The following IP6K3 variants were observed in gnomAD, a reference collection of about 807,000 sequenced individuals.
IP6K3 encodes inositol hexakisphosphate kinase 3.
IP6K3 carries 20 observed loss-of-function variants against 28.8 expected under a neutral mutation model. That is an observed-to-expected ratio of 0.70 (90% CI 0.49 to 1.01). The LOEUF is 1.01. Among genes scored for constraint, IP6K3 ranks in the 50% least tolerant of loss-of-function variants. The probability of loss-of-function intolerance (pLI) is 0.00; values close to 1 mark genes in which losing one functional copy is unlikely to be tolerated. For missense variants in IP6K3, 480 were observed against 537.1 expected, an observed-to-expected ratio of 0.89 and a Z score of 1.05; for synonymous variants, 213 against 221.3, an observed-to-expected ratio of 0.96 and a Z score of 0.33.
At position 33,744,588 on chromosome 6, in the gene IP6K3, C is replaced by T. The variant is rs1231508241; in HGVS notation, c.-180+2170G>A. The stretch of plus-strand genomic sequence containing the variant: ...CCCCACCAGAGGGCAGCAGCACACA[C>T]GTTGAGGCCCCAAATGCCTGAGAGG... On this transcript the variant is annotated intron_variant, in intron 1 of 5. Coordinates refer to ENST00000293756, the MANE Select transcript of IP6K3 (RefSeq NM_054111.5). The surrounding 1 kb of genome is among the most constrained non-coding windows in gnomAD (Gnocchi z 4.4). 6.6e-6 allele frequency among the ~76,000 whole-genome samples: 1 copy of T among 152,090 alleles called. No homozygotes were observed. The highest frequency in any genetic ancestry group is 1.5e-5 in the Non-Finnish European group (1 of 68,030).
rs746542544 is a variant in IP6K3, at chr6:33,725,486, C to T, written c.720G>A (p.Ala240=). ...EKKARHMRKC[A]QSTSACLGVR... ...CACCCAGGCAGGCTGAGGTGCTCTGCGCACACTTCCTCATGTGGCGGGCCT... is the reference window on the plus strand; with the variant it reads ...CACCCAGGCAGGCTGAGGTGCTCTGTGCACACTTCCTCATGTGGCGGGCCT... The change falls in exon 5 of 6, where the codon GCG becomes GCA. Residue 240 remains alanine, a synonymous_variant. Coordinates refer to ENST00000293756, the MANE Select transcript of IP6K3 (RefSeq NM_054111.5). 2.5e-5 allele frequency: 41 copies of T among 1,613,424 alleles called. No homozygotes were observed. The highest frequency in any genetic ancestry group is 5.5e-5 in the South Asian group (5 of 91,084).
chr6:33,749,391 T>C (rs542678375), upstream of IP6K3, among the ~76,000 whole-genome samples: 16 of 152,250 alleles, frequency 1.1e-4, no homozygotes, highest in South Asian at 3.1e-3. Flanking sequence ...ACTTTCCTTA[T>C]GCAATCAAAT....
At chr6:33,735,146 G>A (rs1007975841) in intron 2 of IP6K3, 132 bp downstream of exon 2, 23 of 691,650 alleles carry the variant, frequency 3.3e-5, no homozygotes, top group South Asian at 2.8e-4. Context: ...GGCCAGCCCC[G>A]CTGGGAGAGG....
chr6:33,725,908 C>T (rs1022622604), intron 4 of IP6K3, among the ~76,000 whole-genome samples: 1 of 152,178 alleles, frequency 6.6e-6, no homozygotes, highest in Non-Finnish European at 1.5e-5. Context: ...TGTGAAATCC[C>T]TAGCAGGCCA....
rs1460947978 is a variant in IP6K3 at position 33,742,719 on chromosome 6, T to C, written c.-180+4039A>G. ...CTAGTAGTTTTTGTCATCGTCTATT[T>C]TTCTCAATCAACAGATCCTAAAAGT... On this transcript the variant is annotated intron_variant, in intron 1 of 5. Transcript: ENST00000293756. This position sits in a 1 kb window ranked among gnomAD's most constrained non-coding sequence, Gnocchi z 4.5. 6.6e-6 allele frequency among the ~76,000 whole-genome samples: 1 copy of C among 152,240 alleles called. No individual in the cohort carries two copies. Among genetic ancestry groups the C allele is most frequent in the African/African-American group, 2.4e-5 (1 of 41,462 alleles).
the IP6K3 span, among the ~76,000 whole-genome samples, chr6:33,759,494 C>T: frequency 1.3e-5 from 2 of 152,052 alleles, no homozygotes; most frequent in African/African-American, 2.4e-5. Flanking sequence ...CCTCCCGAAG[C>T]GTGGGGTTTA....
intron 2 of IP6K3, among the ~76,000 whole-genome samples, chr6:33,734,688 T>G (rs976012528): frequency 6.6e-6 from 1 of 152,192 alleles, no homozygotes; most frequent in Admixed American, 6.5e-5. Flanking sequence ...CCACCCACTT[T>G]CTTTCCCCAG....
Position 33,723,167 on chromosome 6 carries a change from C to T in IP6K3, c.786G>A (p.Lys262=), listed in dbSNP as rs1765976543. ...AGTACTTGTCTTTGCAGAGAAAGTACTTCTTATCTGTTTGATAAACCTTAC... is the reference window on the plus strand; with the variant it reads ...AGTACTTGTCTTTGCAGAGAAAGTATTTCTTATCTGTTTGATAAACCTTAC... ...CGMQVYQTDK[K]YFLCKDKYYG... The change falls in exon 6 of 6, where the codon AAG becomes AAA. Residue 262 remains lysine (K), a synonymous_variant. Coordinates refer to ENST00000293756, the MANE Select transcript of IP6K3 (RefSeq NM_054111.5). 6.3e-7 allele frequency: 1 copy of T among 1,577,774 alleles called. No individual in the cohort carries two copies. Among genetic ancestry groups the T allele is most frequent in the Non-Finnish European group, 8.6e-7 (1 of 1,163,028 alleles).
chr6:33,735,236 T>C (rs1421009772), intron 2 of IP6K3, 42 bp downstream of exon 2: 1 of 1,560,464 alleles, frequency 6.4e-7, no homozygotes, highest in East Asian at 2.3e-5. Context: ...CCGGCCCCCG[T>C]GTGGCAGCAC....
chr6:33,728,911 A>G (rs912399289), intron 2 of IP6K3, among the ~76,000 whole-genome samples: 3 of 151,990 alleles, frequency 2.0e-5, no homozygotes, highest in Non-Finnish European at 4.4e-5. Context: ...TCTGCCCTTG[A>G]GCTGATGGCC....
At chr6:33,761,043 T>C in the IP6K3 span, among the ~76,000 whole-genome samples, 9 of 151,854 alleles carry the variant, frequency 5.9e-5, no homozygotes, top group African/African-American at 2.2e-4. Flanking sequence ...AAGGAATGAA[T>C]CTTTAACGGT....
the IP6K3 span, among the ~76,000 whole-genome samples, chr6:33,754,676 C>T: frequency 8.9e-4 from 136 of 152,280 alleles, no homozygotes; most frequent in Middle Eastern, 3.4e-3. Context: ...GGGCATCCCA[C>T]TCCCCATGGC....
the IP6K3 span, among the ~76,000 whole-genome samples, chr6:33,760,167 G>A: frequency 6.6e-6 from 1 of 152,206 alleles, no homozygotes; most frequent in African/African-American, 2.4e-5. Flanking sequence ...ATACTCACTA[G>A]CTAGAAGCTT....
chr6:33,735,673 A>G lies in IP6K3; in HGVS notation c.-179-18T>C. The stretch of plus-strand genomic sequence containing the variant: ...GGGGTCCTCTGGAAAGCAGGGGAGG[A>G]AGGAGGAAGTTATATGAGGGAGGTG... On this transcript the variant is annotated intron_variant, in intron 1 of 5. Transcript: ENST00000293756. 1 of 1,361,476 alleles carries G rather than the reference A, an allele frequency of 7.3e-7. No individual in the cohort carries two copies. The highest frequency in any genetic ancestry group is 9.7e-7 in the Non-Finnish European group (1 of 1,034,788). 84.3% of individuals were successfully genotyped at this position (1,361,476 alleles called of 1,614,324 possible). A position where few individuals can be genotyped will look rare whatever the true frequency, so the allele number is the denominator to read the frequency against.
chr6:33,735,707 G>T, intron 1 of IP6K3, 52 bp from the exon 2 acceptor site: 1 of 1,083,594 alleles, frequency 9.2e-7, no homozygotes, highest in Non-Finnish European at 1.3e-6. Flanking sequence ...TGGTGGCTGG[G>T]GCAGGGCAGC....
rs975141816 is a variant in IP6K3, at chr6:33,731,238, C to A, written c.200-2938G>T. 2.0e-5 allele frequency among the ~76,000 whole-genome samples: 3 copies of A among 152,282 alleles called. No homozygotes were observed. In the South Asian group the frequency reaches 6.2e-4, roughly 32 times the overall value. On this transcript the variant is annotated intron_variant, in intron 2 of 5. Transcript: ENST00000293756. ...GGGCCCTTTTGGGTCTTGGAAAATT[C>A]AAGCTGCCCTCCAGCACTCCCCTGG...
At chr6:33,754,100 C>T in the IP6K3 span, among the ~76,000 whole-genome samples, 6 of 152,160 alleles carry the variant, frequency 3.9e-5, no homozygotes, top group African/African-American at 1.2e-4. Flanking sequence ...TGAGCCACCG[C>T]GCCCGGTGGC....
Position 33,735,459 on chromosome 6 carries a change from G to T in IP6K3, c.18C>A (p.Ser6Arg). ...CTGCCCTCATGTCCCCGGCGTCTGCGCTGTTTTGCACAACCATGGCGGCAG... is the reference window on the plus strand; with the variant it reads ...CTGCCCTCATGTCCCCGGCGTCTGCTCTGTTTTGCACAACCATGGCGGCAG... MVVQN[S>R]ADAGDMRAGV... Residue 6 changes from serine to arginine, a missense_variant, in exon 2 of 6, where the codon AGC becomes AGA. Ser to Arg is a moderately radical substitution (Grantham distance 110). Coordinates refer to ENST00000293756, the MANE Select transcript of IP6K3 (RefSeq NM_054111.5). 1.9e-6 allele frequency: 3 copies of T among 1,610,082 alleles called. No homozygotes were observed. The highest frequency in any genetic ancestry group is 1.3e-5 in the African/African-American group (1 of 75,048).
At chr6:33,741,257 G>A (rs2127363699) in intron 1 of IP6K3, among the ~76,000 whole-genome samples, 1 of 152,282 alleles carries the variant, frequency 6.6e-6, no homozygotes, top group Non-Finnish European at 1.5e-5. Flanking sequence ...CTGAGATTTG[G>A]GGGTGGCTTG....
Sources: gnomAD v4.1 joint callset for allele counts (sites outside exome capture counted in the v4.1 genomes callset) on GRCh38, gnomAD v4.1.1 for gene constraint, Gnocchi (gnomAD v3.1) non-coding constraint, MANE v1.5 for transcripts, NCBI Gene and HGNC (gene_info 2026-07-23, HGNC 2026-07-21) for gene names.